MALRD1: variants seen among roughly 807,000 people sequenced by gnomAD.
MALRD1 encodes MAM and LDL-receptor class A domain-containing protein 1.
In MALRD1, 247 loss-of-function variants were observed where a neutral mutation model predicts 242.1. The ratio of observed to expected loss-of-function variants is 1.02; its 90% CI spans 0.92 to 1.13. The LOEUF (loss-of-function observed/expected upper bound fraction) is 1.13, where lower values mean the gene tolerates loss of function less well. MALRD1 is among the 50% of genes most tolerant of loss of function. The pLI, the probability that MALRD1 is intolerant of heterozygous loss-of-function variation, is 0.00. For synonymous variants in MALRD1, 995 were observed against 866.6 expected (o/e 1.15, Z -2.60); for missense variants, 2,989 against 2,533.1 (o/e 1.18, Z -3.86).
At chr10:19,720,324 G>A (rs951764329) in intron 38 of MALRD1, among the ~76,000 whole-genome samples, 3 of 152,162 alleles carry the variant, frequency 2.0e-5, no homozygotes, top group Admixed American at 2.0e-4. Flanking sequence ...AGTATTAGTT[G>A]AAACAACCTA....
At chr10:19,507,042 G>C (rs1015500118) in intron 31 of MALRD1, among the ~76,000 whole-genome samples, 1 of 152,032 alleles carries the variant, frequency 6.6e-6, no homozygotes, top group Non-Finnish European at 1.5e-5. Flanking sequence ...CAGGCACAAC[G>C]CATGGTGAAA....
chr10:19,446,378 A>G (rs190918550), intron 28 of MALRD1, among the ~76,000 whole-genome samples: 300 of 152,318 alleles, frequency 2.0e-3, no homozygotes, highest in African/African-American at 6.7e-3. Flanking sequence ...CTTATTAAAT[A>G]CTAAAAACTC....
chr10:19,401,046 G>A (rs1445033977), intron 28 of MALRD1, among the ~76,000 whole-genome samples: 1 of 151,850 alleles, frequency 6.6e-6, no homozygotes, highest in Non-Finnish European at 1.5e-5. Context: ...AGAAGAAGAA[G>A]AAAGAAAGGA....
At chr10:19,533,787 G>T (rs963637181) in intron 32 of MALRD1, among the ~76,000 whole-genome samples, 10 of 152,076 alleles carry the variant, frequency 6.6e-5, no homozygotes, top group Non-Finnish European at 1.5e-4. Context: ...CCAGCATTGG[G>T]GATTACAATT....
intron 2 of MALRD1, 115 bp from the exon 3 acceptor site, chr10:19,087,725 T>C: frequency 2.2e-6 from 1 of 458,834 alleles, no homozygotes; most frequent in Non-Finnish European, 3.6e-6. Context: ...TTTAGTTATT[T>C]TTGAATGTAC....
rs58812780 is a variant in MALRD1, at chr10:19,360,978, A to G, written c.4441+8681A>G. ...TCTCATTATTACACGAATTAACTAC[A>G]TAAAAGTAAGCACCATTGCCTAAAC... is the stretch of plus-strand genomic sequence containing the variant. On this transcript the variant is annotated intron_variant, in intron 26 of 39. Transcript: ENST00000454679. Among the ~76,000 whole-genome samples the G allele has an allele frequency of 1.5e-3, 221 of 152,162 alleles. 1 individual carries two copies. The highest frequency in any genetic ancestry group is 5.2e-3 in the African/African-American group (216 of 41,544).
intron 18 of MALRD1, among the ~76,000 whole-genome samples, chr10:19,225,295 A>G (rs1021836718): frequency 6.6e-6 from 1 of 152,176 alleles, no homozygotes; most frequent in Admixed American, 6.5e-5. Flanking sequence ...GATAATGGAG[A>G]TAAAGAAAAG....
At chr10:19,434,921 A>G (rs80250363) in intron 28 of MALRD1, among the ~76,000 whole-genome samples, 1 of 151,774 alleles carries the variant, frequency 6.6e-6, no homozygotes, top group Non-Finnish European at 1.5e-5. Context: ...ATATGAAAAA[A>G]ATTAACAACA....
At chr10:19,381,042 A>G (rs1172415125) in intron 26 of MALRD1, among the ~76,000 whole-genome samples, 6 of 140,458 alleles carry the variant, frequency 4.3e-5, no homozygotes, top group African/African-American at 1.6e-4. Context: ...TATATCTCCC[A>G]GTGCTATCCC....
At chr10:19,237,918 A>C (rs1215080791) in intron 18 of MALRD1, among the ~76,000 whole-genome samples, 7 of 78,532 alleles carry the variant, frequency 8.9e-5, no homozygotes, top group Non-Finnish European at 1.3e-4. Flanking sequence ...ATAGTTATAT[A>C]TAATTATATG....
At chr10:19,224,247 G>A (rs1197391252) in intron 18 of MALRD1, among the ~76,000 whole-genome samples, 1 of 150,902 alleles carries the variant, frequency 6.6e-6, no homozygotes, top group Admixed American at 6.6e-5. Context: ...ATTCTAACTG[G>A]CGCGAGATGG....
chr10:19,350,676 A>G lies in MALRD1; in HGVS notation c.4150-1330A>G, dbSNP rs149115647. Among the ~76,000 whole-genome samples, 15 of 152,282 alleles carry G rather than the reference A, an allele frequency of 9.9e-5. No individual in the cohort carries two copies. The East Asian group carries it at 2.9e-3, about 29-fold the overall frequency. ...TAGGGGTGTTGGTGCATCTGTTTGC[A>G]TGTTAACCTGATGGCATCATTCAGC... On this transcript the variant is annotated intron_variant, in intron 25 of 39. Coordinates refer to ENST00000454679, the MANE Select transcript of MALRD1 (RefSeq NM_001142308.3).
intron 21 of MALRD1, among the ~76,000 whole-genome samples, chr10:19,308,876 A>G (rs2131983279): frequency 6.6e-6 from 1 of 151,740 alleles, no homozygotes; most frequent in Admixed American, 6.6e-5. Context: ...ATTATTTTGT[A>G]CTAAGAATGT....
At chr10:19,200,661 T>TTTTTGTTTGTTTTTG (rs1554809471) in intron 14 of MALRD1, among the ~76,000 whole-genome samples, 92 of 147,028 alleles carry the variant, frequency 6.3e-4, no homozygotes, top group African/African-American at 2.2e-3. Context: ...TTTTTTTTTT[T>TTTTTGTTTGTTTTTG]TTTTTTTTTT....
intron 21 of MALRD1, among the ~76,000 whole-genome samples, chr10:19,322,181 T>C (rs1357878776): frequency 6.6e-6 from 1 of 152,164 alleles, no homozygotes; most frequent in Non-Finnish European, 1.5e-5. Flanking sequence ...GATATGTGCA[T>C]GCAGTTTTTT....
chr10:19,278,034 T>C (rs1419459655), intron 19 of MALRD1, among the ~76,000 whole-genome samples: 4 of 152,206 alleles, frequency 2.6e-5, no homozygotes, highest in African/African-American at 7.2e-5. Flanking sequence ...ATCTTGTTAT[T>C]TCTCCATATT....
At chr10:19,234,285 G>GAAACTA (rs1838205429) in intron 18 of MALRD1, among the ~76,000 whole-genome samples, 2 of 151,778 alleles carry the variant, frequency 1.3e-5, no homozygotes, top group Non-Finnish European at 2.9e-5. Context: ...TCCCTATTAA[G>GAAACTA]AAACTAAAAT....
intron 32 of MALRD1, among the ~76,000 whole-genome samples, chr10:19,558,324 A>T (rs1279252269): frequency 2.0e-5 from 3 of 152,098 alleles, no homozygotes; most frequent in South Asian, 2.1e-4. Context: ...TCATGATTTT[A>T]GTAGGAAAAT....
At chr10:19,184,904 A>G (rs1257529380) in intron 14 of MALRD1, among the ~76,000 whole-genome samples, 15 of 152,202 alleles carry the variant, frequency 9.9e-5, no homozygotes, top group Admixed American at 6.5e-5. Flanking sequence ...CCAAAACATT[A>G]TGCTAATAAA....
Sources: allele counts gnomAD v4.1 joint callset (sites outside exome capture counted in the v4.1 genomes callset), GRCh38; gene constraint gnomAD v4.1.1; transcripts MANE v1.5; gene names NCBI Gene and HGNC (gene_info 2026-07-23, HGNC 2026-07-21).